The following COPG2 variants were observed in gnomAD, a reference collection of about 807,000 sequenced individuals.
COPG2 encodes coat protein complex I subunit gamma 2, also known as coatomer subunit gamma-2.
Under a neutral mutation model 46.3 loss-of-function variants are expected in COPG2, and 37 were observed. The ratio of observed to expected loss-of-function variants is 0.80; its 90% CI spans 0.61 to 1.05. The LOEUF (loss-of-function observed/expected upper bound fraction) is 1.05, where lower values mean the gene tolerates loss of function less well. COPG2 is among the 50% of genes least tolerant of loss of function. COPG2 has a pLI of 0.00. For synonymous variants in COPG2, 159 were observed against 129.7 expected (o/e 1.23, Z -1.53); for missense variants, 427 against 387.8 (o/e 1.10, Z -0.85).
intron 5 of COPG2, among the ~76,000 whole-genome samples, chr7:130,642,074 T>G (rs1158034587): frequency 6.6e-6 from 1 of 151,852 alleles, no homozygotes; most frequent in Non-Finnish European, 1.5e-5. Context: ...TTCTCTCAAT[T>G]CTCAATTCCT....
intron 20 of COPG2, among the ~76,000 whole-genome samples, chr7:130,520,245 T>TTGGCCAAGAA (rs1799713442): frequency 6.6e-6 from 1 of 152,186 alleles, no homozygotes; most frequent in Non-Finnish European, 1.5e-5. Context: ...GTAAGTATGA[T>TTGGCCAAGAA]GTTAAATTGG....
intron 20 of COPG2, among the ~76,000 whole-genome samples, chr7:130,519,217 A>G (rs971988157): frequency 1.2e-4 from 19 of 152,310 alleles, no homozygotes; most frequent in Non-Finnish European, 2.2e-4. Context: ...ATGTTAAGCT[A>G]GATACCAACC....
intron 4 of COPG2, among the ~76,000 whole-genome samples, chr7:130,653,856 A>AAC (rs1795798450): frequency 2.6e-5 from 4 of 152,230 alleles, no homozygotes; most frequent in Non-Finnish European, 4.4e-5. Flanking sequence ...ACAGAAAAAA[A>AAC]ACACACACAG....
intron 5 of COPG2, among the ~76,000 whole-genome samples, chr7:130,619,932 T>C (rs1307387447): frequency 1.3e-5 from 2 of 152,214 alleles, no homozygotes; most frequent in East Asian, 3.8e-4. Context: ...TTCTCACTTT[T>C]AAATGACTAG....
chr7:130,606,248 G>C (rs1794726052), intron 9 of COPG2, among the ~76,000 whole-genome samples: 1 of 150,244 alleles, frequency 6.7e-6, no homozygotes, highest in African/African-American at 2.5e-5. Flanking sequence ...GAAAGAGAGA[G>C]AGAGAGAGAG....
chr7:130,589,388 A>G (rs1193225310), intron 9 of COPG2, among the ~76,000 whole-genome samples: 1 of 151,600 alleles, frequency 6.6e-6, no homozygotes, highest in Non-Finnish European at 1.5e-5. Context: ...GCCTTCTGTG[A>G]TCCTCCCACC....
At chr7:130,541,713 T>C (rs1339087656) in intron 20 of COPG2, among the ~76,000 whole-genome samples, 2 of 150,330 alleles carry the variant, frequency 1.3e-5, no homozygotes, top group African/African-American at 2.5e-5. Flanking sequence ...AAAGGACTCA[T>C]AGCCTGGGCC....
intron 20 of COPG2, among the ~76,000 whole-genome samples, chr7:130,539,828 C>T (rs1236478638): frequency 6.6e-6 from 1 of 152,000 alleles, no homozygotes; most frequent in Non-Finnish European, 1.5e-5. Context: ...ATAGTTGGAG[C>T]GAGGTGAACG....
intron 5 of COPG2, among the ~76,000 whole-genome samples, chr7:130,640,813 T>A (rs1554457105): frequency 1.3e-5 from 2 of 152,164 alleles, no homozygotes; most frequent in Non-Finnish European, 2.9e-5. Context: ...ATAATCCTTC[T>A]GATTCCAACT....
intron 5 of COPG2, among the ~76,000 whole-genome samples, chr7:130,620,883 G>A (rs1795028075): frequency 6.6e-6 from 1 of 152,130 alleles, no homozygotes; most frequent in Admixed American, 6.5e-5. Flanking sequence ...AGAAGCCTGT[G>A]GTAAGCTAAA....
intron 9 of COPG2, among the ~76,000 whole-genome samples, chr7:130,599,469 G>A (rs1039926777): frequency 5.9e-5 from 9 of 152,076 alleles, no homozygotes; most frequent in African/African-American, 1.7e-4. Flanking sequence ...CAGAGACATC[G>A]CCACCTTTTC....
chr7:130,530,052 G>A (rs1234506737), intron 20 of COPG2, among the ~76,000 whole-genome samples: 6 of 152,228 alleles, frequency 3.9e-5, no homozygotes, highest in East Asian at 3.9e-4. Context: ...TCAGGGTGTC[G>A]GGTGCTGGGA....
At chr7:130,598,172 C>T (rs1794566061) in intron 9 of COPG2, among the ~76,000 whole-genome samples, 2 of 152,200 alleles carry the variant, frequency 1.3e-5, no homozygotes, top group Middle Eastern at 3.4e-3. Context: ...TCCCTCTGCA[C>T]ACTGACTCTC....
intron 6 of COPG2, among the ~76,000 whole-genome samples, chr7:130,616,192 C>T (rs1794945772): frequency 6.6e-6 from 1 of 152,082 alleles, no homozygotes; most frequent in African/African-American, 2.4e-5. Flanking sequence ...TTTTACAATT[C>T]AGATATATAT....
At chr7:130,515,023 T>C (rs1799667924) in intron 20 of COPG2, among the ~76,000 whole-genome samples, 1 of 152,108 alleles carries the variant, frequency 6.6e-6, no homozygotes. Context: ...AAGGGCTTGG[T>C]TGAGGGAGAA....
chr7:130,613,437 T>C (rs1794892104), intron 7 of COPG2, 107 bp downstream of exon 7: 2 of 747,238 alleles, frequency 2.7e-6, no homozygotes, highest in East Asian at 2.7e-5. Context: ...TAGAGGTGTA[T>C]ACATATTTTT....
chr7:130,613,318 C>T (rs1265926483), intron 7 of COPG2, among the ~76,000 whole-genome samples: 2 of 152,234 alleles, frequency 1.3e-5, no homozygotes, highest in East Asian at 1.9e-4. Context: ...TTGCCTGCCA[C>T]TCACCACCTG....
chr7:130,663,797 G>A (rs1313412798), intron 3 of COPG2, among the ~76,000 whole-genome samples: 3 of 139,642 alleles, frequency 2.1e-5, no homozygotes, highest in Non-Finnish European at 4.5e-5. Context: ...GGAGTGCAAT[G>A]GCGCAATCTT....
chr7:130,507,420 G>T, intron 22 of COPG2, 48 bp from the exon 23 acceptor site: 1 of 778,740 alleles, frequency 1.3e-6, no homozygotes. Context: ...TAAAGCACAG[G>T]GATCTCCCTC....
Sources: allele counts gnomAD v4.1 joint callset (sites outside exome capture counted in the v4.1 genomes callset), GRCh38; gene constraint gnomAD v4.1.1; transcripts MANE v1.5; gene names NCBI Gene and HGNC (gene_info 2026-07-23, HGNC 2026-07-21).